Variants in RANBP17 observed in about 807,000 individuals in gnomAD.
The protein encoded by RANBP17 is RAN binding protein 17, also known as ran-binding protein 17.
RANBP17 carries 158 observed loss-of-function variants against 141.2 expected under a neutral mutation model. The ratio of observed to expected loss-of-function variants is 1.12; its 90% CI spans 0.98 to 1.28. RANBP17 has a LOEUF of 1.28. RANBP17 is among the 50% of genes most tolerant of loss of function. The probability of loss-of-function intolerance (pLI) is 0.00; values close to 1 mark genes in which losing one functional copy is unlikely to be tolerated. For missense variants in RANBP17, 1,438 were observed against 1,290.7 expected (o/e 1.11, Z -1.75); for synonymous variants, 430 against 450.0 (o/e 0.96, Z 0.56).
chr5:170,897,882 G>T (rs187073982), intron 5 of RANBP17, among the ~76,000 whole-genome samples: 11 of 152,310 alleles, frequency 7.2e-5, no homozygotes, highest in African/African-American at 2.6e-4. Flanking sequence ...GTGTGCATGT[G>T]TCTTTATAGT....
chr5:171,020,455 T>C (rs1780768303), intron 14 of RANBP17, among the ~76,000 whole-genome samples: 1 of 152,170 alleles, frequency 6.6e-6, no homozygotes, highest in South Asian at 2.1e-4. Context: ...GTGCTCCTGT[T>C]TGGATGCATA....
intron 14 of RANBP17, among the ~76,000 whole-genome samples, chr5:171,056,263 G>T (rs890717287): frequency 6.6e-6 from 1 of 152,082 alleles, no homozygotes; most frequent in African/African-American, 2.4e-5. Context: ...TAATGCCACA[G>T]TCTCCAAAGT....
chr5:170,873,011 A>G (rs1247521736), intron 1 of RANBP17, among the ~76,000 whole-genome samples: 3 of 152,072 alleles, frequency 2.0e-5, no homozygotes, highest in Admixed American at 6.5e-5. Flanking sequence ...TCCAGGGTTC[A>G]TGAGATTCTT....
At chr5:171,221,889 T>G (rs778370444) in intron 22 of RANBP17, 49 bp downstream of exon 22, 3 of 1,059,666 alleles carry the variant, frequency 2.8e-6, no homozygotes, top group Non-Finnish European at 4.3e-6. Context: ...TTTATCTCTT[T>G]AGAGGAAAGA....
chr5:170,910,036 T>A, intron 6 of RANBP17: 1 of 231,202 alleles, frequency 4.3e-6, no homozygotes, highest in East Asian at 8.9e-5. Context: ...GATTCTTTAA[T>A]TATAGAAGCT....
At chr5:171,165,727 C>T (rs561834352) in intron 14 of RANBP17, among the ~76,000 whole-genome samples, 1 of 152,236 alleles carries the variant, frequency 6.6e-6, no homozygotes, top group African/African-American at 2.4e-5. Context: ...GTGGAGGAAA[C>T]GTATTCGTGT....
chr5:170,946,121 G>A (rs1774739520), intron 12 of RANBP17, among the ~76,000 whole-genome samples: 1 of 152,038 alleles, frequency 6.6e-6, no homozygotes, highest in African/African-American at 2.4e-5. Flanking sequence ...CTTTTAAATA[G>A]GGACTTGTAA....
intron 14 of RANBP17, among the ~76,000 whole-genome samples, chr5:171,044,621 T>C (rs1318060962): frequency 6.6e-6 from 1 of 152,072 alleles, no homozygotes; most frequent in Non-Finnish European, 1.5e-5. Context: ...TTTACTGTTA[T>C]AATTGAATCA....
chr5:171,187,562 ATAATT>A (rs1326021353), intron 18 of RANBP17, among the ~76,000 whole-genome samples: 1 of 152,234 alleles, frequency 6.6e-6, no homozygotes, highest in Non-Finnish European at 1.5e-5. Flanking sequence ...AATTTAAAAA[ATAATT>A]AAAAATGCTA....
chr5:171,098,141 G>GGT (rs992322830), intron 14 of RANBP17, among the ~76,000 whole-genome samples: 4 of 151,870 alleles, frequency 2.6e-5, no homozygotes, highest in Non-Finnish European at 5.9e-5. Context: ...TAATCCTTTG[G>GGT]GTATATACCC....
chr5:171,146,578 A>AT (rs1758042956), intron 14 of RANBP17, among the ~76,000 whole-genome samples: 1 of 152,140 alleles, frequency 6.6e-6, no homozygotes, highest in African/African-American at 2.4e-5. Context: ...TGTGTTGTAT[A>AT]TTTTTCTGGG....
intron 14 of RANBP17, among the ~76,000 whole-genome samples, chr5:171,040,814 G>C (rs1043198122): frequency 7.2e-5 from 11 of 152,182 alleles, no homozygotes; most frequent in South Asian, 4.1e-4. Context: ...GCTGCATTCT[G>C]CATTAGTTAT....
chr5:170,964,326 C>A (rs1170000149), intron 13 of RANBP17, among the ~76,000 whole-genome samples: 2 of 151,876 alleles, frequency 1.3e-5, no homozygotes, highest in African/African-American at 4.8e-5. Flanking sequence ...ACCTTAGTGT[C>A]CATCAATAGG....
chr5:171,094,711 G>A (rs1362670541), intron 14 of RANBP17, among the ~76,000 whole-genome samples: 1 of 152,162 alleles, frequency 6.6e-6, no homozygotes, highest in Non-Finnish European at 1.5e-5. Context: ...GGAAGAGTTT[G>A]CTGTCTGGCT....
At chr5:170,909,206 T>G (rs983785146) in intron 5 of RANBP17, among the ~76,000 whole-genome samples, 2 of 151,914 alleles carry the variant, frequency 1.3e-5, no homozygotes, top group African/African-American at 4.8e-5. Context: ...TTTCGTAGTA[T>G]CAAAGATATA....
At chr5:171,090,701 G>A (rs1786188017) in intron 14 of RANBP17, among the ~76,000 whole-genome samples, 1 of 152,136 alleles carries the variant, frequency 6.6e-6, no homozygotes, top group Non-Finnish European at 1.5e-5. Flanking sequence ...CCTCTGCTCT[G>A]TGCAGTCTAG....
chr5:170,976,622 TAA>T (rs1293103873), intron 14 of RANBP17, among the ~76,000 whole-genome samples: 1 of 152,134 alleles, frequency 6.6e-6, no homozygotes, highest in East Asian at 1.9e-4. Context: ...ACAATAATAT[TAA>T]GTTATAGTAA....
intron 26 of RANBP17, among the ~76,000 whole-genome samples, chr5:171,295,190 T>C (rs569511405): frequency 7.9e-5 from 12 of 152,250 alleles, no homozygotes; most frequent in African/African-American, 2.9e-4. Context: ...TTAGGCTGTT[T>C]CCAATGATTA....
At chr5:171,002,741 G>A (rs1313611885) in intron 14 of RANBP17, among the ~76,000 whole-genome samples, 3 of 152,142 alleles carry the variant, frequency 2.0e-5, no homozygotes, top group South Asian at 2.1e-4. Context: ...GGTGAGTGGC[G>A]ATTAGGCCTG....
Sources: gnomAD v4.1 joint callset for allele counts (sites outside exome capture counted in the v4.1 genomes callset) on GRCh38, gnomAD v4.1.1 for gene constraint, MANE v1.5 for transcripts, NCBI Gene and HGNC (gene_info 2026-07-23, HGNC 2026-07-21) for gene names.